UBE2QL1: variants seen among roughly 807,000 people sequenced by gnomAD.
The protein encoded by UBE2QL1 is ubiquitin conjugating enzyme E2 QL1.
Under a neutral mutation model 12.6 loss-of-function variants are expected in UBE2QL1, and 5 were observed. The observed-to-expected ratio is 0.40, with a 90% CI of 0.21 to 0.83. UBE2QL1 has a LOEUF of 0.83. UBE2QL1 is among the 40% of genes least tolerant of loss of function. UBE2QL1 has a pLI of 0.37. For synonymous variants in UBE2QL1, 96 were observed against 94.5 expected, an observed-to-expected ratio of 1.02 and a Z score of -0.10; for missense variants, 99 against 222.6, an observed-to-expected ratio of 0.44 and a Z score of 3.53.
chr5:6,467,987 G>T (rs1739832772), intron 1 of UBE2QL1, among the ~76,000 whole-genome samples: 1 of 151,984 alleles, frequency 6.6e-6, no homozygotes. Flanking sequence ...TGTCTGCTGG[G>T]CCTCTCTCCT....
chr5:6,473,505 C>T (rs1318348759), intron 1 of UBE2QL1, among the ~76,000 whole-genome samples: 2 of 152,224 alleles, frequency 1.3e-5, no homozygotes, highest in Non-Finnish European at 2.9e-5. Context: ...CCAGAACTGG[C>T]CACATGGCCC....
intron 1 of UBE2QL1, among the ~76,000 whole-genome samples, chr5:6,489,704 G>A (rs1348776286): frequency 6.6e-6 from 1 of 152,254 alleles, no homozygotes; most frequent in Non-Finnish European, 1.5e-5. Context: ...TAGATTTAGA[G>A]GCCATTGCAG....
At chr5:6,486,049 A>G (rs1333527645) in intron 1 of UBE2QL1, among the ~76,000 whole-genome samples, 1 of 152,222 alleles carries the variant, frequency 6.6e-6, no homozygotes, top group African/African-American at 2.4e-5. Flanking sequence ...TGATAGCTGA[A>G]AAAATAAGAA....
Position 6,448,968 on chromosome 5 carries a change from C to T in UBE2QL1, c.75C>T (p.Phe25=). The T allele has an allele frequency of 6.5e-7, 1 of 1,549,330 alleles. No individual in the cohort carries two copies. The highest frequency in any genetic ancestry group is 8.7e-7 in the Non-Finnish European group (1 of 1,146,078). ...ISVELVDESL[F]DWNVKLHQVD... is the part of the protein sequence containing the mutation. ...TGGAGCTGGTGGACGAGAGCCTGTT[C>T]GACTGGAACGTGAAGCTGCACCAGG... The change falls in exon 1 of 2, where the codon TTC becomes TTT. Residue 25 remains phenylalanine, a synonymous_variant. Transcript: ENST00000399816.
chr5:6,460,971 AT>A (rs1475881098), intron 1 of UBE2QL1, among the ~76,000 whole-genome samples: 5 of 152,348 alleles, frequency 3.3e-5, no homozygotes, highest in African/African-American at 1.2e-4. Flanking sequence ...GACCCCAGCA[AT>A]TATCACAAGT....
intron 1 of UBE2QL1, among the ~76,000 whole-genome samples, chr5:6,453,121 T>C (rs1199961734): frequency 6.6e-6 from 1 of 152,160 alleles, no homozygotes; most frequent in Non-Finnish European, 1.5e-5. Context: ...TGTGCCAAAC[T>C]CTGGGCCAGC....
chr5:6,474,233 C>A (rs1197000786), intron 1 of UBE2QL1, among the ~76,000 whole-genome samples: 1 of 152,212 alleles, frequency 6.6e-6, no homozygotes, highest in Non-Finnish European at 1.5e-5. Flanking sequence ...ACGGTCTATG[C>A]CTGCATGTGG....
chr5:6,464,990 CTTTT>C (rs763783935), intron 1 of UBE2QL1, among the ~76,000 whole-genome samples: 1 of 142,552 alleles, frequency 7.0e-6, no homozygotes, highest in Admixed American at 7.0e-5. Context: ...AGTTTTTATT[CTTTT>C]TTTTTTTTTT....
At position 6,495,490 on chromosome 5, in the gene UBE2QL1, A is replaced by G. The variant is rs957134634; in HGVS notation, c.*4141A>G. 6.6e-6 allele frequency among the ~76,000 whole-genome samples: 1 copy of G among 152,226 alleles called. No individual in the cohort carries two copies. Among genetic ancestry groups the G allele is most frequent in the Non-Finnish European group, 1.5e-5 (1 of 68,040 alleles). ...GCTTGTCCACAGTAGGACAGGAGCC[A>G]CAAGGCCACTGCCTTACTGTGGCTT... On this transcript the variant is annotated 3_prime_UTR_variant, in exon 2 of 2. Coordinates refer to ENST00000399816, the MANE Select transcript of UBE2QL1 (RefSeq NM_001145161.3).
At chr5:6,490,523 A>G (rs908336526) in intron 1 of UBE2QL1, among the ~76,000 whole-genome samples, 2 of 152,118 alleles carry the variant, frequency 1.3e-5, no homozygotes, top group African/African-American at 4.8e-5. Flanking sequence ...CCCTCCCGGG[A>G]TCGTGTGACA....
At chr5:6,458,718 C>G (rs1739586623) in intron 1 of UBE2QL1, among the ~76,000 whole-genome samples, 1 of 152,178 alleles carries the variant, frequency 6.6e-6, no homozygotes. Context: ...CTACTCAACT[C>G]TGCTTCTCAG....
At chr5:6,488,565 G>A (rs1052994211) in intron 1 of UBE2QL1, among the ~76,000 whole-genome samples, 5 of 138,080 alleles carry the variant, frequency 3.6e-5, no homozygotes, top group Admixed American at 3.4e-4. Context: ...GAGAAATCAA[G>A]GTAGGAGGAT....
At position 6,491,567 on chromosome 5, in the gene UBE2QL1, A is replaced by G; in HGVS notation, c.*218A>G. 2.0e-6 allele frequency: 1 copy of G among 492,864 alleles called. No individual in the cohort carries two copies. The highest frequency in any genetic ancestry group is 5.8e-4 in the Middle Eastern group (1 of 1,720). The allele number at this position is 492,864 out of a possible 1,614,324, so 30.5% of individuals were successfully genotyped here. A position where few individuals can be genotyped will look rare whatever the true frequency, so the allele number is the denominator to read the frequency against. ...ATTATGTTTCGATTATAAATGAATG[A>G]TCACCTCGAAGTCACTTTAGAACAC... On this transcript the variant is annotated 3_prime_UTR_variant, in exon 2 of 2. Coordinates refer to ENST00000399816, the MANE Select transcript of UBE2QL1 (RefSeq NM_001145161.3).
Position 6,465,720 on chromosome 5 carries a change from G to A in UBE2QL1, c.354+16473G>A, listed in dbSNP as rs182777006. ...AAAGAGCCCTCCGGGATGACCCCTC[G>A]CTCACTTCCTGCGTGGGAATCGCTG... is the stretch of plus-strand genomic sequence containing the variant. On this transcript the variant is annotated intron_variant, in intron 1 of 1. Coordinates refer to ENST00000399816, the MANE Select transcript of UBE2QL1 (RefSeq NM_001145161.3). Among the ~76,000 whole-genome samples, 36 of 152,234 alleles carry A rather than the reference G, an allele frequency of 2.4e-4. 1 individual carries two copies. The East Asian group carries it at 6.6e-3, about 28-fold the overall frequency.
rs531506042 is a variant in UBE2QL1 at position 6,460,741 on chromosome 5, G to A, written c.354+11494G>A. Among the ~76,000 whole-genome samples the A allele has an allele frequency of 3.0e-4, 45 of 152,222 alleles. 1 individual carries two copies. In the South Asian group the frequency reaches 7.7e-3, roughly 26 times the overall value. ...AATTAGCTTGATTTCTTTTGCTGGC[G>A]TTCAGTTAGAAAATTATGTAGAAGA... is the stretch of plus-strand genomic sequence containing the variant. On this transcript the variant is annotated intron_variant, in intron 1 of 1. Transcript: ENST00000399816.
At position 6,461,546 on chromosome 5, in the gene UBE2QL1, C is replaced by CA. The variant is rs1413221738; in HGVS notation, c.354+12299_354+12300insA. On this transcript the variant is annotated intron_variant, in intron 1 of 1. Transcript: ENST00000399816. ...CCAGTGTTTTTCAGCACCCACCACCCCCCCCCGCCGGCATATCATTCTAGG... is the reference window on the plus strand; with the variant it reads ...CCAGTGTTTTTCAGCACCCACCACCCACCCCCCGCCGGCATATCATTCTAGG... Among the ~76,000 whole-genome samples the CA allele has an allele frequency of 4.4e-5, 5 of 112,650 alleles. 1 individual carries two copies. Among genetic ancestry groups the CA allele is most frequent in the African/African-American group, 1.3e-4 (4 of 31,552 alleles). The allele number at this position is 112,650 out of a possible 152,430, so 73.9% of individuals were successfully genotyped here.
intron 1 of UBE2QL1, among the ~76,000 whole-genome samples, chr5:6,485,629 A>C (rs1443920772): frequency 2.0e-5 from 3 of 152,240 alleles, no homozygotes; most frequent in Non-Finnish European, 4.4e-5. Flanking sequence ...TCCTTCAAAG[A>C]CTTGAAAAAC....
At chr5:6,489,781 G>C (rs2126375948) in intron 1 of UBE2QL1, among the ~76,000 whole-genome samples, 1 of 152,320 alleles carries the variant, frequency 6.6e-6, no homozygotes, top group Non-Finnish European at 1.5e-5. Flanking sequence ...GTGCTTGCTG[G>C]TGGCCACACA....
At chr5:6,472,009 T>TATTAGATAC (rs1374347268) in intron 1 of UBE2QL1, among the ~76,000 whole-genome samples, 1 of 152,110 alleles carries the variant, frequency 6.6e-6, no homozygotes, top group African/African-American at 2.4e-5. Flanking sequence ...TAGCAGATAT[T>TATTAGATAC]ATTAGATACA....
Sources: allele counts gnomAD v4.1 joint callset (sites outside exome capture counted in the v4.1 genomes callset), GRCh38; gene constraint gnomAD v4.1.1; transcripts MANE v1.5; gene names NCBI Gene and HGNC (gene_info 2026-07-23, HGNC 2026-07-21).